The following RYR2 variants were observed in gnomAD, a reference collection of about 807,000 sequenced individuals.
The protein encoded by RYR2 is ryanodine receptor 2.
Under a neutral mutation model 601.1 loss-of-function variants are expected in RYR2, and 227 were observed. The ratio of observed to expected loss-of-function variants is 0.38; its 90% CI spans 0.34 to 0.42. The LOEUF (loss-of-function observed/expected upper bound fraction) is 0.42. Among genes scored for constraint, RYR2 ranks in the 10% least tolerant of loss-of-function variants. The pLI is 1.00. For synonymous variants in RYR2, 2,223 were observed against 2,175.1 expected (o/e 1.02, Z -0.61); for missense variants, 4,646 against 6,156.5 (o/e 0.75, Z 8.21).
intron 1 of RYR2, among the ~76,000 whole-genome samples, chr1:237,264,179 C>T (rs796074651): frequency 2.6e-5 from 4 of 152,230 alleles, no homozygotes; most frequent in African/African-American, 9.6e-5. Context: ...ATATCCCCCT[C>T]TTCCACTGTC....
chr1:237,301,360 T>A (rs1257405286), intron 2 of RYR2, among the ~76,000 whole-genome samples: 2 of 152,072 alleles, frequency 1.3e-5, no homozygotes, highest in African/African-American at 4.8e-5. Flanking sequence ...ATTGTTTGTC[T>A]TTTTTTAAGA....
Position 237,701,984 on chromosome 1 carries a change from A to T in RYR2, c.9374A>T (p.Asp3125Val). ...HQFGEDLILEDVQVSCYRILT... is the reference protein window; with the variant it reads ...HQFGEDLILEVVQVSCYRILT... ...AGATTCTCTTTTTCCTTAGTGGAAG[A>T]TGTCCAGGTGTCTTGTTATAGAATT... The change falls in exon 66 of 105, where the codon GAT (aspartate) becomes GTT (valine). Residue 3125 changes from aspartate (D) to valine (V), a missense_variant. By Grantham distance (152) the Asp-to-Val change is radical. This residue lies in a region of RYR2 where 1,497 missense variants were observed against 1,842.6 expected (regional missense o/e 0.81). Coordinates refer to ENST00000366574, the MANE Select transcript of RYR2 (RefSeq NM_001035.3). 2 of 1,591,864 alleles carry T rather than the reference A, an allele frequency of 1.3e-6. No individual in the cohort carries two copies. Among genetic ancestry groups the T allele is most frequent in the Non-Finnish European group, 1.7e-6 (2 of 1,161,170 alleles).
chr1:237,552,288 G>C (rs528396866), intron 27 of RYR2, among the ~76,000 whole-genome samples: 18 of 152,128 alleles, frequency 1.2e-4, no homozygotes, highest in Admixed American at 8.5e-4. Context: ...AGAGACTTCT[G>C]TAATTCTCTG....
At chr1:237,826,454 G>A (rs1323274284) in intron 101 of RYR2, among the ~76,000 whole-genome samples, 2 of 152,114 alleles carry the variant, frequency 1.3e-5, no homozygotes, top group Non-Finnish European at 2.9e-5. Context: ...TCATAAGTGG[G>A]AGTTAAACAA....
At position 237,707,214 on chromosome 1, in the gene RYR2, A is replaced by G; in HGVS notation, c.9846A>G (p.Lys3282=). 6.3e-7 allele frequency: 1 copy of G among 1,593,724 alleles called. No homozygotes were observed. Among genetic ancestry groups the G allele is most frequent in the South Asian group, 1.1e-5 (1 of 89,186 alleles). Residue 3282 remains lysine, a synonymous_variant, in exon 68 of 105, where the codon AAA becomes AAG. Transcript: ENST00000366574. ...HMNTLLGNIL[K]IIYNNLGIDE... ...ACACACTTCTAGGGAACATATTGAA[A>G]ATCATATATAATAACTTGGGGATTG...
chr1:237,324,548 C>T (rs1009364536), intron 2 of RYR2, among the ~76,000 whole-genome samples: 3 of 152,180 alleles, frequency 2.0e-5, no homozygotes, highest in Non-Finnish European at 4.4e-5. Context: ...ATTCTGAGCT[C>T]TCAATCTGAT....
chr1:237,673,562 A>G lies in RYR2; in HGVS notation c.8591-534A>G, dbSNP rs541086123. 2.0e-5 allele frequency among the ~76,000 whole-genome samples: 3 copies of G among 152,290 alleles called. No individual in the cohort carries two copies. In the East Asian group the frequency reaches 5.8e-4, roughly 29 times the overall value. Reference sequence around the variant, plus strand: ...GACACTTAAGAGTGATCCACTTTTAATGTAGCACATCTACATATGGTTTTG... The same window carrying G: ...GACACTTAAGAGTGATCCACTTTTAGTGTAGCACATCTACATATGGTTTTG... On this transcript the variant is annotated intron_variant, in intron 58 of 104. Coordinates refer to ENST00000366574, the MANE Select transcript of RYR2 (RefSeq NM_001035.3).
chr1:237,187,211 C>T (rs938338715), intron 1 of RYR2, among the ~76,000 whole-genome samples: 5 of 151,264 alleles, frequency 3.3e-5, no homozygotes, highest in African/African-American at 4.9e-5. Flanking sequence ...CACTCTGTCG[C>T]TCAGGCTGGA....
intron 10 of RYR2, among the ~76,000 whole-genome samples, chr1:237,388,770 C>T (rs1384765501): frequency 2.0e-5 from 3 of 152,112 alleles, no homozygotes; most frequent in African/African-American, 2.4e-5. Flanking sequence ...GAATAGTTTG[C>T]TACTGCTCTA....
At chr1:237,272,342 G>A (rs1689782204) in intron 2 of RYR2, among the ~76,000 whole-genome samples, 1 of 151,562 alleles carries the variant, frequency 6.6e-6, no homozygotes, top group Non-Finnish European at 1.5e-5. Context: ...ATAGAGGGGG[G>A]AAGCAGAACC....
At chr1:237,450,625 A>T (rs1657973897) in intron 14 of RYR2, among the ~76,000 whole-genome samples, 1 of 152,170 alleles carries the variant, frequency 6.6e-6, no homozygotes, top group Non-Finnish European at 1.5e-5. Context: ...TCTAGTTGAC[A>T]TGTGCAATGC....
At chr1:237,208,936 GTATATATA>G (rs56133827) in intron 1 of RYR2, among the ~76,000 whole-genome samples, 2,395 of 89,584 alleles carry the variant, frequency 0.027, 63 homozygotes, top group African/African-American at 0.077. Context: ...ATGTGTGTGT[GTATATATA>G]TATATATATA....
chr1:237,125,894 T>C (rs1671354109), intron 1 of RYR2, among the ~76,000 whole-genome samples: 1 of 152,254 alleles, frequency 6.6e-6, no homozygotes, highest in Non-Finnish European at 1.5e-5. Flanking sequence ...GAGACCTTTG[T>C]TACTTAATAA....
chr1:237,703,681 A>C (rs959457232), intron 66 of RYR2, among the ~76,000 whole-genome samples: 1 of 150,414 alleles, frequency 6.6e-6, no homozygotes, highest in African/African-American at 2.4e-5. Context: ...ATTTTTATAT[A>C]ATCAAATTTT....
intron 1 of RYR2, among the ~76,000 whole-genome samples, chr1:237,214,401 A>G (rs933092401): frequency 1.3e-5 from 2 of 152,206 alleles, no homozygotes; most frequent in African/African-American, 4.8e-5. Context: ...GTCTCTGGTC[A>G]GGGACTCAGG....
chr1:237,433,658 A>C (rs1210216857), intron 12 of RYR2, among the ~76,000 whole-genome samples: 1 of 152,210 alleles, frequency 6.6e-6, no homozygotes, highest in Non-Finnish European at 1.5e-5. Flanking sequence ...TATATTTGAT[A>C]CTTTTTCCCC....
At chr1:237,587,394 T>A (rs1243093859) in intron 29 of RYR2, among the ~76,000 whole-genome samples, 1 of 152,176 alleles carries the variant, frequency 6.6e-6, no homozygotes, top group Non-Finnish European at 1.5e-5. Flanking sequence ...GCTTGTTTTT[T>A]AATAAAATAT....
chr1:237,753,283 CT>C (rs1692684589), intron 80 of RYR2, among the ~76,000 whole-genome samples: 2 of 152,178 alleles, frequency 1.3e-5, no homozygotes, highest in Admixed American at 6.5e-5. Context: ...TGTAATTCCC[CT>C]TATTTCAATA....
rs1661741193 is a variant in RYR2 at position 237,479,115 on chromosome 1, C to T, written c.1708+9928C>T. On this transcript the variant is annotated intron_variant, in intron 17 of 104. Transcript: ENST00000366574. ...GTGGCGAATGATTCAAAATACTACT[C>T]TTCATTAAATCACAAAGTGTTTTGG... 3.3e-5 allele frequency among the ~76,000 whole-genome samples: 5 copies of T among 152,278 alleles called. No individual in the cohort carries two copies. The South Asian group carries it at 1.0e-3, about 32-fold the overall frequency.
Sources: gnomAD v4.1 joint callset for allele counts (sites outside exome capture counted in the v4.1 genomes callset) on GRCh38, gnomAD v4.1.1 for gene constraint, gnomAD v4.1.1 regional missense constraint, MANE v1.5 for transcripts, NCBI Gene and HGNC (gene_info 2026-07-23, HGNC 2026-07-21) for gene names.